Variants in ZC3H12B observed in about 807,000 individuals in gnomAD.
ZC3H12B encodes the protein probable ribonuclease ZC3H12B.
In ZC3H12B, 7 loss-of-function variants were observed where a neutral mutation model predicts 43.9. That is an observed-to-expected ratio of 0.16 (90% CI 0.09 to 0.30). ZC3H12B has a LOEUF of 0.30. ZC3H12B is among the 10% of genes least tolerant of loss of function. The probability of loss-of-function intolerance (pLI) is 1.00; values close to 1 mark genes in which losing one functional copy is unlikely to be tolerated. For synonymous variants in ZC3H12B, 222 were observed against 241.7 expected (o/e 0.92, Z 0.76); for missense variants, 475 against 670.2 (o/e 0.71, Z 3.22).
chrX:65,124,624 T>A, the ZC3H12B span, among the ~76,000 whole-genome samples: 3 of 110,893 alleles, frequency 2.7e-5, no homozygotes, highest in East Asian at 8.6e-4. Flanking sequence ...CTGGACTTTT[T>A]TTTCTTGGCA....
chrX:65,323,309 A>T, the ZC3H12B span, among the ~76,000 whole-genome samples: 1 of 111,530 alleles, frequency 9.0e-6, no homozygotes, highest in Non-Finnish European at 1.9e-5. Flanking sequence ...GTGTTGAGTG[A>T]TGGGGTGATC....
At chrX:65,420,319 C>T (rs753653528) in intron 3 of ZC3H12B, among the ~76,000 whole-genome samples, 20 of 111,928 alleles carry the variant, frequency 1.8e-4, no homozygotes, top group Non-Finnish European at 2.4e-4. Flanking sequence ...CCCAAAGCAA[C>T]GCCAGCTGCC....
At chrX:65,230,842 G>T in the ZC3H12B span, among the ~76,000 whole-genome samples, 1 of 111,430 alleles carries the variant, frequency 9.0e-6, no homozygotes, top group African/African-American at 3.3e-5. Flanking sequence ...TTTTCTGAAG[G>T]TATAAACTCA....
At chrX:65,226,403 G>A in the ZC3H12B span, among the ~76,000 whole-genome samples, 1 of 111,697 alleles carries the variant, frequency 9.0e-6, no homozygotes, top group South Asian at 3.8e-4. Context: ...ACCGGTACCA[G>A]CCACTGCAAA....
chrX:65,268,404 C>T, the ZC3H12B span, among the ~76,000 whole-genome samples: 1 of 111,840 alleles, frequency 8.9e-6, no homozygotes, highest in Non-Finnish European at 1.9e-5. Flanking sequence ...CTTTCAAGCA[C>T]ATTTTATGAG....
At chrX:65,358,684 G>C in the ZC3H12B span, among the ~76,000 whole-genome samples, 1 of 111,417 alleles carries the variant, frequency 9.0e-6, no homozygotes, top group East Asian at 2.8e-4. Context: ...ATTTAAAGCA[G>C]TGTGTAGAGG....
the ZC3H12B span, among the ~76,000 whole-genome samples, chrX:65,313,725 A>T: frequency 2.3e-3 from 256 of 112,376 alleles, 2 homozygotes; most frequent in African/African-American, 7.7e-3. Context: ...TTAATACCAT[A>T]CTTAATAGTA....
the ZC3H12B span, among the ~76,000 whole-genome samples, chrX:65,242,082 C>T: frequency 9.0e-6 from 1 of 111,030 alleles, no homozygotes; most frequent in Non-Finnish European, 1.9e-5. Context: ...CAATCACTCA[C>T]CACTTTCCTT....
chrX:65,400,191 C>T (rs1367182536), intron 3 of ZC3H12B, among the ~76,000 whole-genome samples: 1 of 111,475 alleles, frequency 9.0e-6, no homozygotes, highest in Non-Finnish European at 1.9e-5. Flanking sequence ...AATACCAAAG[C>T]ATCAATCGAT....
chrX:65,229,245 C>A, the ZC3H12B span, among the ~76,000 whole-genome samples: 1 of 111,713 alleles, frequency 9.0e-6, no homozygotes, highest in Non-Finnish European at 1.9e-5. Flanking sequence ...CTACAACTAT[C>A]TGATCTTTGA....
chrX:65,472,834 A>G (rs1291377095), intron 3 of ZC3H12B, among the ~76,000 whole-genome samples: 1 of 77,823 alleles, frequency 1.3e-5, no homozygotes, highest in African/African-American at 7.3e-5. Context: ...TGATATATAT[A>G]TATATATATA....
the ZC3H12B span, among the ~76,000 whole-genome samples, chrX:65,169,685 C>G: frequency 8.9e-6 from 1 of 111,779 alleles, no homozygotes; most frequent in Non-Finnish European, 1.9e-5. Context: ...CTTTGTAAGT[C>G]TATATGGACT....
At chrX:65,150,887 A>G in the ZC3H12B span, among the ~76,000 whole-genome samples, 215 of 110,997 alleles carry the variant, frequency 1.9e-3, no homozygotes, top group African/African-American at 6.7e-3. Context: ...CAAAGTGGCT[A>G]TGTACTCTTC....
At chrX:65,247,702 G>C in the ZC3H12B span, among the ~76,000 whole-genome samples, 1 of 111,805 alleles carries the variant, frequency 8.9e-6, no homozygotes. Flanking sequence ...ACACATGGTT[G>C]GGAACAACAC....
the ZC3H12B span, among the ~76,000 whole-genome samples, chrX:65,295,909 T>TA: frequency 3.5e-4 from 38 of 108,832 alleles, no homozygotes; most frequent in Middle Eastern, 4.6e-3. Flanking sequence ...GAAACAGTAA[T>TA]AAAAAAAAAT....
the ZC3H12B span, among the ~76,000 whole-genome samples, chrX:65,214,352 TAG>T: frequency 8.9e-6 from 1 of 112,266 alleles, no homozygotes; most frequent in Non-Finnish European, 1.9e-5. Flanking sequence ...CTTTCAAAAT[TAG>T]AGTCAATCCT....
chrX:65,479,606 G>C (rs981955498), intron 3 of ZC3H12B, among the ~76,000 whole-genome samples: 3 of 111,436 alleles, frequency 2.7e-5, no homozygotes, highest in Non-Finnish European at 5.7e-5. Context: ...GACCTCAGGT[G>C]ATCTGCCCGC....
the ZC3H12B span, among the ~76,000 whole-genome samples, chrX:65,056,064 A>T: frequency 1.5e-4 from 17 of 111,654 alleles, no homozygotes; most frequent in African/African-American, 5.5e-4. Flanking sequence ...ATTTTTTTGA[A>T]GGTTTTTTCT....
chrX:65,262,617 G>GT, the ZC3H12B span, among the ~76,000 whole-genome samples: 3 of 110,461 alleles, frequency 2.7e-5, no homozygotes, highest in African/African-American at 6.5e-5. Flanking sequence ...AACTATGTAG[G>GT]TTTTTTTAAT....
Sources: gnomAD v4.1 joint callset for allele counts (sites outside exome capture counted in the v4.1 genomes callset) on GRCh38, gnomAD v4.1.1 for gene constraint, MANE v1.5 for transcripts, NCBI Gene and HGNC (gene_info 2026-07-23, HGNC 2026-07-21) for gene names.